Variants in PTPRD observed in about 807,000 individuals in gnomAD.
PTPRD encodes protein tyrosine phosphatase receptor type D.
Under a neutral mutation model 214.5 loss-of-function variants are expected in PTPRD, and 34 were observed. The ratio of observed to expected loss-of-function variants is 0.16; its 90% CI spans 0.12 to 0.21. The LOEUF is 0.21. Ranked by LOEUF, PTPRD falls within the 10% of genes least tolerant of loss-of-function variation. PTPRD has a pLI of 1.00. For missense variants in PTPRD, 2,545 were observed against 2,398.7 expected, an observed-to-expected ratio of 1.06 and a Z score of -1.27; for synonymous variants, 1,128 against 845.7, an observed-to-expected ratio of 1.33 and a Z score of -5.79.
chr9:10,401,244 T>C (rs970011230), intron 2 of PTPRD, among the ~76,000 whole-genome samples: 3 of 151,672 alleles, frequency 2.0e-5, no homozygotes, highest in Admixed American at 6.6e-5. Context: ...TACTTTATTT[T>C]ATTTAATACA....
chr9:9,712,012 A>G (rs2097744257), intron 7 of PTPRD, among the ~76,000 whole-genome samples: 1 of 152,204 alleles, frequency 6.6e-6, no homozygotes, highest in Non-Finnish European at 1.5e-5. Flanking sequence ...TTAGCATTCA[A>G]TTCAGCATTA....
At chr9:8,782,726 T>C (rs953268860) in intron 11 of PTPRD, among the ~76,000 whole-genome samples, 1 of 150,656 alleles carries the variant, frequency 6.6e-6, no homozygotes, top group Non-Finnish European at 1.5e-5. Flanking sequence ...GCCTCCGGAG[T>C]AGCTGGGATT....
chr9:10,151,438 T>A (rs1363887528), intron 3 of PTPRD, among the ~76,000 whole-genome samples: 1 of 151,868 alleles, frequency 6.6e-6, no homozygotes, highest in Admixed American at 6.6e-5. Flanking sequence ...AATTTTTGTA[T>A]TTTTAGTAGA....
chr9:10,393,850 A>G (rs2098118607), intron 2 of PTPRD, among the ~76,000 whole-genome samples: 1 of 148,498 alleles, frequency 6.7e-6, no homozygotes, highest in Non-Finnish European at 1.5e-5. Flanking sequence ...ATGCCACCTA[A>G]CCATAGAATC....
intron 9 of PTPRD, among the ~76,000 whole-genome samples, chr9:9,211,503 C>A (rs931705899): frequency 5.6e-5 from 8 of 142,678 alleles, no homozygotes; most frequent in Non-Finnish European, 1.2e-4. Flanking sequence ...TCCTCTCCCC[C>A]AGTGTGCGCA....
At chr9:10,514,789 T>C (rs2049460193) in intron 2 of PTPRD, among the ~76,000 whole-genome samples, 1 of 152,036 alleles carries the variant, frequency 6.6e-6, no homozygotes, top group African/African-American at 2.4e-5. Flanking sequence ...GGCATCACAG[T>C]GGTCCCAAAA....
intron 11 of PTPRD, among the ~76,000 whole-genome samples, chr9:9,003,857 C>T (rs1172849623): frequency 3.3e-5 from 5 of 152,046 alleles, no homozygotes; most frequent in Non-Finnish European, 5.9e-5. Flanking sequence ...TGCCTGATAA[C>T]GTCACTACAC....
chr9:9,428,003 A>G (rs746756928), intron 8 of PTPRD, among the ~76,000 whole-genome samples: 19 of 152,220 alleles, frequency 1.2e-4, no homozygotes, highest in Non-Finnish European at 2.8e-4. Context: ...AACTGAATCA[A>G]CTAAGGAGCA....
At chr9:8,936,944 A>T (rs2099001804) in intron 11 of PTPRD, among the ~76,000 whole-genome samples, 1 of 152,144 alleles carries the variant, frequency 6.6e-6, no homozygotes, top group Non-Finnish European at 1.5e-5. Flanking sequence ...ATTCTTATCA[A>T]CTCATCTAGT....
intron 3 of PTPRD, among the ~76,000 whole-genome samples, chr9:10,338,661 A>C (rs1022623300): frequency 2.6e-5 from 4 of 151,800 alleles, no homozygotes; most frequent in Non-Finnish European, 5.9e-5. Flanking sequence ...ATTTACTTGA[A>C]TAGGTCCTAC....
At chr9:9,374,657 G>A (rs774607455) in intron 9 of PTPRD, among the ~76,000 whole-genome samples, 43 of 152,232 alleles carry the variant, frequency 2.8e-4, no homozygotes, top group African/African-American at 1.0e-3. Context: ...CCCTCAATAC[G>A]TTGTAACAAA....
chr9:9,203,435 C>T (rs187306449), intron 9 of PTPRD, among the ~76,000 whole-genome samples: 1 of 152,244 alleles, frequency 6.6e-6, no homozygotes, highest in East Asian at 1.9e-4. Flanking sequence ...GAATCTCAGT[C>T]TGTTTTTCAC....
chr9:8,744,723 C>G (rs1384861579), intron 11 of PTPRD, among the ~76,000 whole-genome samples: 1 of 152,144 alleles, frequency 6.6e-6, no homozygotes, highest in East Asian at 1.9e-4. Context: ...ATGGGTGCAC[C>G]AAAATCTCAG....
intron 2 of PTPRD, among the ~76,000 whole-genome samples, chr9:10,444,458 GGTAATTAAT>G (rs1401740806): frequency 6.6e-6 from 1 of 151,586 alleles, no homozygotes; most frequent in East Asian, 1.9e-4. Flanking sequence ...CATATTAATG[GGTAATTAAT>G]GTTTCTTAAC....
At chr9:9,869,856 T>C (rs932504846) in intron 5 of PTPRD, among the ~76,000 whole-genome samples, 2 of 151,744 alleles carry the variant, frequency 1.3e-5, no homozygotes, top group Non-Finnish European at 1.5e-5. Flanking sequence ...ACAAACCAAC[T>C]GTAAAAATAC....
chr9:9,809,034 C>T (rs1272763657), intron 5 of PTPRD, among the ~76,000 whole-genome samples: 1 of 151,594 alleles, frequency 6.6e-6, no homozygotes, highest in African/African-American at 2.4e-5. Context: ...GGCCCTCCCA[C>T]CTTAGTCTCA....
intron 8 of PTPRD, among the ~76,000 whole-genome samples, chr9:9,511,020 C>T (rs1226757031): frequency 6.6e-6 from 1 of 151,646 alleles, no homozygotes; most frequent in Non-Finnish European, 1.5e-5. Context: ...TGAAGTCGAG[C>T]AAAATATCCA....
At chr9:10,279,283 A>G (rs1036239788) in intron 3 of PTPRD, among the ~76,000 whole-genome samples, 2 of 152,170 alleles carry the variant, frequency 1.3e-5, no homozygotes, top group Admixed American at 1.3e-4. Flanking sequence ...TGAGGAAAAA[A>G]TCAGATATCA....
chr9:8,908,366 T>G (rs1389426240), intron 11 of PTPRD, among the ~76,000 whole-genome samples: 1 of 152,116 alleles, frequency 6.6e-6, no homozygotes, highest in African/African-American at 2.4e-5. Flanking sequence ...ATAAAGTTAT[T>G]AAATTCAAAA....
Sources: allele counts gnomAD v4.1 joint callset (sites outside exome capture counted in the v4.1 genomes callset), GRCh38; gene constraint gnomAD v4.1.1; transcripts MANE v1.5; gene names NCBI Gene and HGNC (gene_info 2026-07-23, HGNC 2026-07-21).